The following GRIP2 variants were observed in gnomAD, a reference collection of about 807,000 sequenced individuals.
GRIP2 encodes the protein glutamate receptor interacting protein 2.
In GRIP2, 58 loss-of-function variants were observed where a neutral mutation model predicts 108.3. The observed-to-expected ratio is 0.54, with a 90% CI of 0.43 to 0.67. The LOEUF (loss-of-function observed/expected upper bound fraction) is 0.67. Among genes scored for constraint, GRIP2 ranks in the 30% least tolerant of loss-of-function variants. The pLI is 0.00. For missense variants in GRIP2, 1,278 were observed against 1,430.6 expected, an observed-to-expected ratio of 0.89 and a Z score of 1.72; for synonymous variants, 586 against 598.2, an observed-to-expected ratio of 0.98 and a Z score of 0.30.
At chr3:14,520,031 G>GCCCAGGGCTCTGGT in intron 9 of GRIP2, 79 bp downstream of exon 9, 2 of 1,371,312 alleles carry the variant, frequency 1.5e-6, no homozygotes, top group Non-Finnish European at 2.0e-6. Flanking sequence ...CTCCCAGCCT[G>GCCCAGGGCTCTGGT]CCCAGGGCTC....
chr3:14,574,670 C>T, the GRIP2 span: 3 of 637,130 alleles, frequency 4.7e-6, no homozygotes, highest in African/African-American at 1.8e-5. Flanking sequence ...TGTTTTCCGC[C>T]AGAAAGCTGG....
chr3:14,514,416 C>A lies in GRIP2; in HGVS notation c.1369G>T (p.Val457Phe), dbSNP rs1694189790. ...CTGAGGGGGTCTCCACAGAGCACGA[C>A]CTCCGTGGTCTCCGTGTGCACAATC... Reference protein sequence around the residue: ...GQIVHTETTEVVLCGDPLSGF... With the variant: ...GQIVHTETTEFVLCGDPLSGF... Residue 457 changes from valine (V) to phenylalanine (F), a missense_variant, in exon 12 of 24, where the codon GTC (valine) becomes TTC (phenylalanine). Coordinates refer to ENST00000621039, the MANE Select transcript of GRIP2 (RefSeq NM_001080423.4). 3 of 1,575,604 alleles carry A rather than the reference C, an allele frequency of 1.9e-6. No individual in the cohort carries two copies. Among genetic ancestry groups the A allele is most frequent in the Non-Finnish European group, 2.6e-6 (3 of 1,162,106 alleles).
chr3:14,566,639 T>C, the GRIP2 span, among the ~76,000 whole-genome samples: 5 of 152,202 alleles, frequency 3.3e-5, no homozygotes, highest in African/African-American at 1.2e-4. Flanking sequence ...AAAGGGACAG[T>C]GTAAGCCATC....
At chr3:14,599,173 G>C in the GRIP2 span, among the ~76,000 whole-genome samples, 1 of 152,060 alleles carries the variant, frequency 6.6e-6, no homozygotes, top group South Asian at 2.1e-4. Context: ...CCAGAACAAG[G>C]CCCAGTAAAT....
chr3:14,553,500 T>C (rs1231852497), intron 1 of GRIP2, among the ~76,000 whole-genome samples: 1 of 152,162 alleles, frequency 6.6e-6, no homozygotes, highest in Non-Finnish European at 1.5e-5. Context: ...GGAGTCTCTT[T>C]TGACCTCTCT....
At chr3:14,525,403 C>T in intron 3 of GRIP2, 34 bp downstream of exon 3, 1 of 1,606,138 alleles carries the variant, frequency 6.2e-7, no homozygotes, top group Non-Finnish European at 8.5e-7. Context: ...CCTCTGCACC[C>T]CCCTCCTGCG....
chr3:14,505,041 A>C lies in GRIP2; in HGVS notation c.2573+574T>G, dbSNP rs1693879380. Among the ~76,000 whole-genome samples, 1 of 152,166 alleles carries C rather than the reference A, an allele frequency of 6.6e-6. No homozygotes were observed. Among genetic ancestry groups the C allele is most frequent in the South Asian group, 2.1e-4 (1 of 4,826 alleles). On this transcript the variant is annotated intron_variant, in intron 20 of 23. Transcript: ENST00000621039. This position sits in a 1 kb window ranked among gnomAD's most constrained non-coding sequence, Gnocchi z 4.2. ...AAAGACAGGGAAGCTTCCCAGAGGC[A>C]GGAGAATTTGAGCTGAGTTTTGAGG... is the stretch of plus-strand genomic sequence containing the variant.
At chr3:14,543,264 C>T (rs964999694), upstream of GRIP2, among the ~76,000 whole-genome samples, 3 of 152,232 alleles carry the variant, frequency 2.0e-5, no homozygotes, top group African/African-American at 7.2e-5. Context: ...CGCAGATGCT[C>T]GGGCCCCGCC....
chr3:14,570,501 C>G, the GRIP2 span, among the ~76,000 whole-genome samples: 5 of 152,244 alleles, frequency 3.3e-5, no homozygotes, highest in Non-Finnish European at 5.9e-5. Context: ...AGGTCCCGTC[C>G]TGTCTTTGAA....
the GRIP2 span, among the ~76,000 whole-genome samples, chr3:14,566,129 G>C: frequency 1.3e-5 from 2 of 152,216 alleles, no homozygotes; most frequent in Non-Finnish European, 2.9e-5. Flanking sequence ...GGTCAGCAGG[G>C]TCAATGATCT....
the GRIP2 span, among the ~76,000 whole-genome samples, chr3:14,577,998 C>T: frequency 6.6e-6 from 1 of 152,244 alleles, no homozygotes; most frequent in Non-Finnish European, 1.5e-5. Flanking sequence ...CTCCCTGGCT[C>T]AGCCTTCAGG....
Position 14,516,789 on chromosome 3 carries a change from C to T in GRIP2, c.1306+275G>A, listed in dbSNP as rs551273334. ...TGAAAAGACTTCCTTTCCTCAAGGACGTTATCACCAAATCCTAGGAATTTT... is the reference window on the plus strand; with the variant it reads ...TGAAAAGACTTCCTTTCCTCAAGGATGTTATCACCAAATCCTAGGAATTTT... On this transcript the variant is annotated intron_variant, in intron 11 of 23. Coordinates refer to ENST00000621039, the MANE Select transcript of GRIP2 (RefSeq NM_001080423.4). Among the ~76,000 whole-genome samples the T allele has an allele frequency of 7.2e-5, 11 of 152,112 alleles. No individual in the cohort carries two copies. In the East Asian group the frequency reaches 1.9e-3, roughly 27 times the overall value.
chr3:14,600,055 A>G, the GRIP2 span, among the ~76,000 whole-genome samples: 2,303 of 152,164 alleles, frequency 0.015, 49 homozygotes, highest in African/African-American at 0.052. Context: ...GTCCATTCTC[A>G]CTGGGCAACA....
the GRIP2 span, chr3:14,574,680 G>T: frequency 3.3e-5 from 21 of 630,266 alleles, 1 homozygote; most frequent in South Asian, 2.9e-4. Flanking sequence ...CAGAAAGCTG[G>T]CTGGAGTGAA....
rs1471263211 is a variant in GRIP2 at position 14,513,868 on chromosome 3, A to G, written c.1494-58T>C. 15 of 1,584,194 alleles carry G rather than the reference A, an allele frequency of 9.5e-6. No homozygotes were observed. In the Admixed American group the frequency reaches 1.7e-4, roughly 18 times the overall value. On this transcript the variant is annotated intron_variant, in intron 12 of 23. Transcript: ENST00000621039. ...CTCCGTGACAGGTCCATTGGGAGAC[A>G]AGAACGCCATGCAGGGCAGGACTGA...
chr3:14,556,069 G>A, exon 1 of GRIP2: 1 of 398,406 alleles, frequency 2.5e-6, no homozygotes, highest in Non-Finnish European at 4.4e-6. Context: ...CACAGGCTGG[G>A]CGCTCCCTTC....
chr3:14,549,792 C>T (rs1452297038), intron 1 of GRIP2, among the ~76,000 whole-genome samples: 1 of 152,180 alleles, frequency 6.6e-6, no homozygotes, highest in African/African-American at 2.4e-5. Context: ...GAAACTGGAG[C>T]CCAGAGACAG....
rs1694084774 is a variant in GRIP2, at chr3:14,511,323, G to C, written c.1788-13C>G. 7 of 1,613,998 alleles carry C rather than the reference G, an allele frequency of 4.3e-6. No homozygotes were observed. The East Asian group carries it at 1.6e-4, about 36-fold the overall frequency. On this transcript the variant is annotated splice_polypyrimidine_tract_variant and intron_variant, in intron 15 of 23. Transcript: ENST00000621039. The surrounding 1 kb of genome is among the most constrained non-coding windows in gnomAD (Gnocchi z 4.1). ...CAGGGTGCCCGTCCTGCATGAGTCG[G>C]GGGCAGAGGGGATGGAAGGAGCCTG...
chr3:14,511,201 C>G lies in GRIP2; in HGVS notation c.1897G>C (p.Val633Leu). Reference sequence around the variant, plus strand: ...TCGTCCTTCCGGATCTTCAGCTTCACCAGGTCCTCGCACTGCCGCAGGATT... The same window carrying G: ...TCGTCCTTCCGGATCTTCAGCTTCAGCAGGTCCTCGCACTGCCGCAGGATT... ...VQILRQCEDLVKLKIRKDEDN... is the reference protein window; with the variant it reads ...VQILRQCEDLLKLKIRKDEDN... The change falls in exon 16 of 24, where the codon GTG becomes CTG. Residue 633 changes from valine to leucine, a missense_variant. By Grantham distance (32) the Val-to-Leu change is conservative (BLOSUM62 1). Transcript: ENST00000621039. This position sits in a 1 kb window ranked among gnomAD's most constrained non-coding sequence, Gnocchi z 4.1. 1 of 1,613,982 alleles carries G rather than the reference C, an allele frequency of 6.2e-7. No individual in the cohort carries two copies. The highest frequency in any genetic ancestry group is 1.1e-5 in the South Asian group (1 of 91,076).
Sources: allele counts gnomAD v4.1 joint callset (sites outside exome capture counted in the v4.1 genomes callset), GRCh38; gene constraint gnomAD v4.1.1; non-coding constraint Gnocchi (gnomAD v3.1); transcripts MANE v1.5; gene names NCBI Gene and HGNC (gene_info 2026-07-23, HGNC 2026-07-21).